The following MAGI2 variants were observed in gnomAD, a reference collection of about 807,000 sequenced individuals.
MAGI2 encodes membrane associated guanylate kinase, WW and PDZ domain containing 2, also known as membrane-associated guanylate kinase, WW and PDZ domain-containing protein 2.
A neutral mutation model predicts 133.3 loss-of-function variants in MAGI2; 35 were observed. The observed-to-expected ratio is 0.26, with a 90% CI of 0.20 to 0.35. MAGI2 has a LOEUF of 0.35. Among genes scored for constraint, MAGI2 ranks in the 10% least tolerant of loss-of-function variants. The pLI, the probability that MAGI2 is intolerant of heterozygous loss-of-function variation, is 1.00. For missense variants in MAGI2, 1,636 were observed against 1,863.4 expected, an observed-to-expected ratio of 0.88 and a Z score of 2.25; for synonymous variants, 729 against 710.6, an observed-to-expected ratio of 1.03 and a Z score of -0.41.
At chr7:78,667,035 A>C (rs998062799) in intron 2 of MAGI2, among the ~76,000 whole-genome samples, 17 of 152,164 alleles carry the variant, frequency 1.1e-4, no homozygotes, top group Non-Finnish European at 1.9e-4. Flanking sequence ...TATTTTAATT[A>C]AACTTTTTAT....
intron 1 of MAGI2, among the ~76,000 whole-genome samples, chr7:79,292,384 G>A (rs1327266555): frequency 6.6e-6 from 1 of 151,944 alleles, no homozygotes; most frequent in African/African-American, 2.4e-5. Context: ...CACTTTGGGA[G>A]GCCAAGGCAG....
intron 7 of MAGI2, among the ~76,000 whole-genome samples, chr7:78,349,463 A>G (rs1305477696): frequency 6.6e-6 from 1 of 152,210 alleles, no homozygotes; most frequent in Admixed American, 6.5e-5. Context: ...TCTGGGATGC[A>G]GTTATGCATA....
At chr7:79,006,877 A>G (rs570586457) in intron 2 of MAGI2, 108 of 418,558 alleles carry the variant, frequency 2.6e-4, no homozygotes, top group African/African-American at 2.0e-3. Flanking sequence ...TAGCTTGAAA[A>G]TCACAAGTTT....
chr7:78,517,415 T>A (rs1796136281), intron 4 of MAGI2, among the ~76,000 whole-genome samples: 1 of 152,122 alleles, frequency 6.6e-6, no homozygotes, highest in Admixed American at 6.5e-5. Flanking sequence ...GGGACATGTG[T>A]TGGAGAGCGG....
chr7:79,413,660 G>A (rs888001793), intron 1 of MAGI2: 1 of 152,068 alleles, frequency 6.6e-6, no homozygotes, highest in African/African-American at 2.4e-5. Context: ...CTTTGTGTCT[G>A]TTATTTCTTC....
intron 10 of MAGI2, chr7:78,252,584 A>G (rs1363014863): frequency 6.6e-6 from 1 of 152,100 alleles, no homozygotes; most frequent in Non-Finnish European, 1.5e-5. Context: ...AGAAAACACA[A>G]GAAATCTCAG....
intron 2 of MAGI2, among the ~76,000 whole-genome samples, chr7:78,838,677 C>T (rs1402744033): frequency 6.6e-6 from 1 of 151,844 alleles, no homozygotes; most frequent in Non-Finnish European, 1.5e-5. Context: ...CTCAAATATA[C>T]ATTGAATATG....
At chr7:79,066,415 AT>A (rs940284596) in intron 1 of MAGI2, among the ~76,000 whole-genome samples, 2 of 148,398 alleles carry the variant, frequency 1.3e-5, no homozygotes, top group Non-Finnish European at 3.0e-5. Context: ...TGATGGGGTT[AT>A]TTTTTTTTCT....
intron 1 of MAGI2, among the ~76,000 whole-genome samples, chr7:79,169,682 T>A (rs1352111303): frequency 6.6e-6 from 1 of 150,920 alleles, no homozygotes; most frequent in African/African-American, 2.4e-5. Context: ...TAAAAAAAAA[T>A]GTACATGGGT....
intron 2 of MAGI2, among the ~76,000 whole-genome samples, chr7:78,838,448 A>AT (rs981489466): frequency 2.0e-5 from 3 of 151,178 alleles, no homozygotes; most frequent in African/African-American, 7.3e-5. Flanking sequence ...ATCCTATTCC[A>AT]TTTTTTTCTC....
At chr7:79,064,504 T>A (rs1376105700) in intron 1 of MAGI2, among the ~76,000 whole-genome samples, 1 of 152,104 alleles carries the variant, frequency 6.6e-6, no homozygotes, top group Non-Finnish European at 1.5e-5. Flanking sequence ...AATGTCTATA[T>A]AATGATTTTC....
intron 1 of MAGI2, among the ~76,000 whole-genome samples, chr7:79,436,493 A>G (rs1047464889): frequency 9.9e-5 from 15 of 152,156 alleles, no homozygotes; most frequent in African/African-American, 3.6e-4. Context: ...AAGGAACTTG[A>G]ACAACTCAAC....
intron 3 of MAGI2, among the ~76,000 whole-genome samples, chr7:78,581,813 T>C (rs1348214538): frequency 2.6e-5 from 4 of 152,052 alleles, no homozygotes; most frequent in African/African-American, 9.7e-5. Context: ...AGAAGAGGAC[T>C]GTTGTGGAGA....
intron 21 of MAGI2, among the ~76,000 whole-genome samples, chr7:78,046,401 C>CAAA (rs757016571): frequency 1.8e-4 from 17 of 92,768 alleles, no homozygotes; most frequent in Admixed American, 3.0e-4. Flanking sequence ...GACTCTGTCT[C>CAAA]AAAAAAAAAC....
intron 1 of MAGI2, among the ~76,000 whole-genome samples, chr7:79,184,672 C>T (rs1413095611): frequency 6.6e-6 from 1 of 151,550 alleles, no homozygotes; most frequent in Admixed American, 6.6e-5. Context: ...TAGAAAAGTT[C>T]CTCGTAAAGC....
At chr7:78,568,823 G>A (rs569053440) in intron 3 of MAGI2, among the ~76,000 whole-genome samples, 1 of 152,144 alleles carries the variant, frequency 6.6e-6, no homozygotes, top group East Asian at 1.9e-4. Flanking sequence ...GATCAGTTAC[G>A]TGCATGCTCA....
intron 1 of MAGI2, among the ~76,000 whole-genome samples, chr7:79,376,933 A>C (rs1300467831): frequency 2.6e-5 from 4 of 151,710 alleles, no homozygotes; most frequent in African/African-American, 9.7e-5. Flanking sequence ...GGGAAATGCA[A>C]ATATCAATAA....
At chr7:78,918,322 C>T (rs1468131488) in intron 2 of MAGI2, among the ~76,000 whole-genome samples, 5 of 152,148 alleles carry the variant, frequency 3.3e-5, no homozygotes, top group Non-Finnish European at 7.4e-5. Context: ...AATACCATAT[C>T]TATGATGATA....
At chr7:78,989,430 T>C (rs1805552492) in intron 2 of MAGI2, among the ~76,000 whole-genome samples, 1 of 151,968 alleles carries the variant, frequency 6.6e-6, no homozygotes, top group Non-Finnish European at 1.5e-5. Flanking sequence ...TTCTACAGGG[T>C]TGATGGAAGA....
Sources: allele counts gnomAD v4.1 joint callset (sites outside exome capture counted in the v4.1 genomes callset), GRCh38; gene constraint gnomAD v4.1.1; transcripts MANE v1.5; gene names NCBI Gene and HGNC (gene_info 2026-07-23, HGNC 2026-07-21).